Variants in ARID1B observed in about 807,000 individuals in gnomAD.
ARID1B encodes AT-rich interactive domain-containing protein 1B.
ARID1B carries 30 observed loss-of-function variants against 212.3 expected under a neutral mutation model. The ratio of observed to expected loss-of-function variants is 0.14; its 90% CI spans 0.11 to 0.19. The LOEUF is 0.19. Among genes scored for constraint, ARID1B ranks in the 10% least tolerant of loss-of-function variants. The pLI is 1.00. For missense variants in ARID1B, 2,891 were observed against 3,204.0 expected (o/e 0.90, Z 2.36); for synonymous variants, 1,402 against 1,301.7 (o/e 1.08, Z -1.66).
intron 1 of ARID1B, among the ~76,000 whole-genome samples, chr6:156,788,808 T>A (rs540906184): frequency 1.6e-3 from 246 of 152,340 alleles, no homozygotes; most frequent in African/African-American, 5.5e-3. Context: ...CAATTTTTTT[T>A]AAATGCTGAG....
At chr6:156,788,792 A>T (rs1779821060) in intron 1 of ARID1B, among the ~76,000 whole-genome samples, 2 of 152,222 alleles carry the variant, frequency 1.3e-5, no homozygotes, top group Non-Finnish European at 2.9e-5. Context: ...TCAAATATAT[A>T]AAGAGCAATT....
At chr6:156,881,639 G>A (rs746493295) in intron 2 of ARID1B, among the ~76,000 whole-genome samples, 2 of 152,184 alleles carry the variant, frequency 1.3e-5, no homozygotes, top group African/African-American at 4.8e-5. Context: ...TTAGTCTTTA[G>A]TGATACATAC....
intron 4 of ARID1B, among the ~76,000 whole-genome samples, chr6:157,039,844 CTCTT>C (rs1454506735): frequency 8.4e-5 from 8 of 94,940 alleles, no homozygotes; most frequent in Admixed American, 6.2e-4. Flanking sequence ...TTCTTTCTCT[CTCTT>C]TCTCTCTCTT....
At chr6:156,988,817 C>T (rs557656419) in intron 4 of ARID1B, among the ~76,000 whole-genome samples, 1 of 152,280 alleles carries the variant, frequency 6.6e-6, no homozygotes, top group African/African-American at 2.4e-5. Flanking sequence ...GCACCTGGAG[C>T]TTTTGTTATC....
At chr6:157,169,333 G>A (rs1201453131) in intron 9 of ARID1B, 4 of 152,302 alleles carry the variant, frequency 2.6e-5, no homozygotes, top group Admixed American at 1.3e-4. Context: ...TCTCTTCACC[G>A]AGTTCAAACA....
intron 4 of ARID1B, among the ~76,000 whole-genome samples, chr6:157,080,562 A>G (rs571550393): frequency 6.6e-6 from 1 of 152,346 alleles, no homozygotes; most frequent in East Asian, 1.9e-4. Context: ...GGGATGTCCC[A>G]TCTTTATTCC....
intron 1 of ARID1B, among the ~76,000 whole-genome samples, chr6:156,788,059 G>A (rs1345292902): frequency 1.3e-5 from 2 of 151,934 alleles, no homozygotes; most frequent in African/African-American, 2.4e-5. Flanking sequence ...TCTCTGCCTG[G>A]TCCTGCTGTA....
intron 2 of ARID1B, among the ~76,000 whole-genome samples, chr6:156,856,721 CACACACACACA>C (rs1784973683): frequency 6.6e-6 from 1 of 150,874 alleles, no homozygotes; most frequent in African/African-American, 2.5e-5. Context: ...CACACACACA[CACACACACACA>C]CACACACACA....
chr6:157,140,434 C>T (rs1424804055), intron 7 of ARID1B, among the ~76,000 whole-genome samples: 2 of 152,220 alleles, frequency 1.3e-5, no homozygotes, highest in African/African-American at 4.8e-5. Context: ...CACACTACTA[C>T]ACTCCAGCCT....
chr6:156,842,811 A>G (rs1783987344), intron 2 of ARID1B, among the ~76,000 whole-genome samples: 1 of 152,210 alleles, frequency 6.6e-6, no homozygotes, highest in Non-Finnish European at 1.5e-5. Context: ...ATCATTTCCT[A>G]TAATTCTCGC....
intron 5 of ARID1B, among the ~76,000 whole-genome samples, chr6:157,103,250 T>G (rs1432282079): frequency 6.6e-6 from 1 of 151,636 alleles, no homozygotes; most frequent in Non-Finnish European, 1.5e-5. Context: ...TAGCCATACT[T>G]TTTTTTTTCA....
chr6:156,844,007 A>G (rs1378480662), intron 2 of ARID1B, among the ~76,000 whole-genome samples: 1 of 152,150 alleles, frequency 6.6e-6, no homozygotes, highest in African/African-American at 2.4e-5. Context: ...GGAGAGAGGC[A>G]TGTGTTCTTG....
At chr6:156,776,352 A>C (rs1778621497), upstream of ARID1B, 1 of 152,234 alleles carries the variant, frequency 6.6e-6, no homozygotes, top group Non-Finnish European at 1.5e-5. Context: ...ACATTTCTAC[A>C]TTAGGACTAG....
intron 4 of ARID1B, among the ~76,000 whole-genome samples, chr6:157,013,243 A>G (rs1779718229): frequency 6.6e-6 from 1 of 152,198 alleles, no homozygotes. Context: ...TGAAGGCAGT[A>G]ATTGCAGAGG....
chr6:157,112,663 C>A (rs550828817), intron 6 of ARID1B, among the ~76,000 whole-genome samples: 1 of 152,110 alleles, frequency 6.6e-6, no homozygotes, highest in Non-Finnish European at 1.5e-5. Context: ...CCAACAGATA[C>A]GTGTTTGGGA....
rs947447830 is a variant in ARID1B, at chr6:157,209,502, C to T, written c.*1611C>T. ...AACTCTAACGACATTGAGGTATGAT[C>T]ATTTTCAGTATTTATGGGAGGTGGC... On this transcript the variant is annotated 3_prime_UTR_variant, in exon 20 of 20. Transcript: ENST00000636930. 4.3e-6 allele frequency: 1 copy of T among 233,020 alleles called. No individual in the cohort carries two copies. Among genetic ancestry groups the T allele is most frequent in the Non-Finnish European group, 8.5e-6 (1 of 117,908 alleles). The allele number at this position is 233,020 out of a possible 1,614,324, so 14.4% of individuals were successfully genotyped here.
At chr6:157,172,715 A>T (rs1267973994) in intron 9 of ARID1B, 1 of 152,214 alleles carries the variant, frequency 6.6e-6, no homozygotes, top group African/African-American at 2.4e-5. Flanking sequence ...TGCTGTAATT[A>T]AAACTAATTA....
chr6:156,876,897 GTTGT>G (rs1019972140), intron 2 of ARID1B, among the ~76,000 whole-genome samples: 2 of 152,196 alleles, frequency 1.3e-5, no homozygotes, highest in Admixed American at 6.5e-5. Context: ...TTTTGTTGTT[GTTGT>G]TTGTTTGTTT....
intron 7 of ARID1B, among the ~76,000 whole-genome samples, chr6:157,140,433 A>G (rs1178937152): frequency 6.6e-6 from 1 of 152,170 alleles, no homozygotes; most frequent in Non-Finnish European, 1.5e-5. Flanking sequence ...TCACACTACT[A>G]CACTCCAGCC....
Sources: allele counts gnomAD v4.1 joint callset (sites outside exome capture counted in the v4.1 genomes callset), GRCh38; gene constraint gnomAD v4.1.1; transcripts MANE v1.5; gene names NCBI Gene and HGNC (gene_info 2026-07-23, HGNC 2026-07-21).